The following PCDH9 variants were observed in gnomAD, a reference collection of about 807,000 sequenced individuals.
The protein encoded by PCDH9 is protocadherin 9.
In PCDH9, 24 loss-of-function variants were observed where a neutral mutation model predicts 70.6. The observed-to-expected ratio is 0.34, with a 90% confidence interval of 0.25 to 0.48. The LOEUF (loss-of-function observed/expected upper bound fraction) is 0.48. Among genes scored for constraint, PCDH9 ranks in the 20% least tolerant of loss-of-function variants. PCDH9 has a pLI of 0.99. For missense variants in PCDH9, 1,281 were observed against 1,503.6 expected (o/e 0.85, Z 2.45); for synonymous variants, 562 against 558.5 (o/e 1.01, Z -0.09).
intron 2 of PCDH9, among the ~76,000 whole-genome samples, chr13:67,154,528 A>G (rs1442222393): frequency 1.4e-5 from 2 of 140,494 alleles, no homozygotes; most frequent in East Asian, 2.3e-4. Flanking sequence ...GTGAGCCACG[A>G]TTTTGCCACT....
chr13:66,582,962 C>T lies in PCDH9; in HGVS notation c.3340+48248G>A, dbSNP rs539258352. On this transcript the variant is annotated intron_variant, in intron 4 of 4. Transcript: ENST00000377865. ...TCTCCACCCAAACACATGATTATCTCTCATCTGGTTTAGATTCCTCCTTTT... is the reference window on the plus strand; with the variant it reads ...TCTCCACCCAAACACATGATTATCTTTCATCTGGTTTAGATTCCTCCTTTT... Among the ~76,000 whole-genome samples the T allele has an allele frequency of 1.8e-4, 28 of 152,204 alleles. No individual in the cohort carries two copies. The South Asian group carries it at 3.3e-3, about 18-fold the overall frequency.
At chr13:66,533,694 T>A (rs947519202) in intron 4 of PCDH9, among the ~76,000 whole-genome samples, 1 of 152,118 alleles carries the variant, frequency 6.6e-6, no homozygotes, top group Non-Finnish European at 1.5e-5. Context: ...AAACAGTATG[T>A]TGAGCTTGAT....
chr13:66,893,189 T>A (rs936158426), intron 3 of PCDH9, among the ~76,000 whole-genome samples: 2 of 152,180 alleles, frequency 1.3e-5, no homozygotes, highest in African/African-American at 4.8e-5. Context: ...GTTGAATGCA[T>A]GGAGGATGAA....
intron 4 of PCDH9, among the ~76,000 whole-genome samples, chr13:66,505,980 C>T (rs1959208598): frequency 6.6e-6 from 1 of 152,172 alleles, no homozygotes. Flanking sequence ...TCTGATAAGA[C>T]ACATTTACTA....
At chr13:66,483,329 G>A (rs1195819678) in intron 4 of PCDH9, among the ~76,000 whole-genome samples, 2 of 152,134 alleles carry the variant, frequency 1.3e-5, no homozygotes, top group Non-Finnish European at 2.9e-5. Flanking sequence ...GGCTAGAGAA[G>A]GTTATATTTG....
At chr13:66,666,794 T>A (rs192026274) in intron 3 of PCDH9, among the ~76,000 whole-genome samples, 10 of 152,330 alleles carry the variant, frequency 6.6e-5, no homozygotes, top group Non-Finnish European at 1.3e-4. Flanking sequence ...CTTTTATTGA[T>A]ATGGTTTTGA....
chr13:67,069,479 C>T (rs1368932345), intron 2 of PCDH9, among the ~76,000 whole-genome samples: 1 of 152,102 alleles, frequency 6.6e-6, no homozygotes, highest in Non-Finnish European at 1.5e-5. Context: ...AATCTACTAA[C>T]AAACAAAATA....
chr13:66,679,456 G>C (rs1007119151), intron 3 of PCDH9, among the ~76,000 whole-genome samples: 14 of 151,824 alleles, frequency 9.2e-5, no homozygotes, highest in African/African-American at 3.4e-4. Flanking sequence ...CAAAGTACTG[G>C]ATCCAATAGC....
intron 4 of PCDH9, among the ~76,000 whole-genome samples, chr13:66,605,572 G>C (rs944039425): frequency 1.3e-5 from 2 of 152,098 alleles, no homozygotes; most frequent in African/African-American, 4.8e-5. Context: ...TGTCTACTTG[G>C]CTACTGCTGT....
intron 4 of PCDH9, among the ~76,000 whole-genome samples, chr13:66,352,062 C>G (rs895285286): frequency 1.3e-5 from 2 of 152,158 alleles, no homozygotes; most frequent in Non-Finnish European, 2.9e-5. Flanking sequence ...TCTTGAACTC[C>G]TGACCTCAGG....
intron 2 of PCDH9, among the ~76,000 whole-genome samples, chr13:67,193,804 C>T (rs1041470032): frequency 2.6e-5 from 4 of 151,948 alleles, no homozygotes; most frequent in African/African-American, 9.7e-5. Context: ...CCTGAAATCC[C>T]CATGGAAACG....
Position 66,768,363 on chromosome 13 carries a change from G to T in PCDH9, c.3138+135141C>A, listed in dbSNP as rs1205951538. On this transcript the variant is annotated intron_variant, in intron 3 of 4. Coordinates refer to ENST00000377865, the MANE Select transcript of PCDH9 (RefSeq NM_203487.3). ...CCTAAGCATATATAACAAAGCTTTT[G>T]AGGTAATCCAGTTCTCATGAAGCCT... Among the ~76,000 whole-genome samples, 3 of 151,956 alleles carry T rather than the reference G, an allele frequency of 2.0e-5. No individual in the cohort carries two copies. In the South Asian group the frequency reaches 6.2e-4, roughly 32 times the overall value.
intron 4 of PCDH9, among the ~76,000 whole-genome samples, chr13:66,425,162 T>C (rs936170775): frequency 6.6e-6 from 1 of 151,866 alleles, no homozygotes; most frequent in Admixed American, 6.6e-5. Flanking sequence ...GCACTATATA[T>C]ATTCTTTGAA....
At position 67,165,384 on chromosome 13, in the gene PCDH9, C is replaced by T. The variant is rs1174236932; in HGVS notation, c.3036+60021G>A. ...TTTAATTTTAAACTGAATTTGATGG[C>T]TGCAGAATATATCATTATACACTTT... On this transcript the variant is annotated intron_variant, in intron 2 of 4. Transcript: ENST00000377865. Among the ~76,000 whole-genome samples, 15 of 152,050 alleles carry T rather than the reference C, an allele frequency of 9.9e-5. No homozygotes were observed. In the South Asian group the frequency reaches 3.1e-3, roughly 32 times the overall value.
intron 3 of PCDH9, among the ~76,000 whole-genome samples, chr13:66,724,533 T>C (rs1593956254): frequency 6.6e-6 from 1 of 152,326 alleles, no homozygotes; most frequent in East Asian, 1.9e-4. Context: ...CCAGACCATA[T>C]GTGATAATAC....
intron 3 of PCDH9, among the ~76,000 whole-genome samples, chr13:66,833,523 T>C (rs2080964121): frequency 6.6e-6 from 1 of 152,164 alleles, no homozygotes; most frequent in African/African-American, 2.4e-5. Flanking sequence ...AGTGTAGCTG[T>C]CCTTCTTATT....
chr13:66,895,689 A>G (rs1025236796), intron 3 of PCDH9, among the ~76,000 whole-genome samples: 19 of 152,108 alleles, frequency 1.2e-4, no homozygotes, highest in Admixed American at 2.6e-4. Flanking sequence ...AGGCAGCTGT[A>G]TTTTCCTCTC....
chr13:67,013,705 G>A (rs1056009012), intron 2 of PCDH9, among the ~76,000 whole-genome samples: 5 of 146,512 alleles, frequency 3.4e-5, no homozygotes, highest in African/African-American at 5.0e-5. Flanking sequence ...GTTGTCCTTG[G>A]ATATTGTTGA....
chr13:66,339,928 C>T (rs528110045), intron 4 of PCDH9, among the ~76,000 whole-genome samples: 26 of 152,194 alleles, frequency 1.7e-4, no homozygotes, highest in African/African-American at 5.5e-4. Flanking sequence ...CTCTTTGAAG[C>T]TGAATCCCTC....
Sources: gnomAD v4.1 joint callset for allele counts (sites outside exome capture counted in the v4.1 genomes callset) on GRCh38, gnomAD v4.1.1 for gene constraint, MANE v1.5 for transcripts, NCBI Gene and HGNC (gene_info 2026-07-23, HGNC 2026-07-21) for gene names.